Variants in EXOC6B observed in about 807,000 individuals in gnomAD.
EXOC6B encodes the protein exocyst complex component 6B, also known as SEC15 homolog B.
In EXOC6B, 54 loss-of-function variants were observed where a neutral mutation model predicts 113.5. The observed-to-expected ratio is 0.48, with a 90% CI of 0.38 to 0.60. EXOC6B has a LOEUF of 0.60. EXOC6B is among the 20% of genes least tolerant of loss of function. EXOC6B has a pLI of 0.00. For missense variants in EXOC6B, 797 were observed against 977.5 expected (o/e 0.82, Z 2.46); for synonymous variants, 357 against 339.0 (o/e 1.05, Z -0.58).
At chr2:72,647,560 T>C (rs1407218675) in intron 6 of EXOC6B, among the ~76,000 whole-genome samples, 1 of 152,178 alleles carries the variant, frequency 6.6e-6, no homozygotes, top group Non-Finnish European at 1.5e-5. Context: ...CAAAACAGCA[T>C]GGTACTAGTA....
intron 7 of EXOC6B, among the ~76,000 whole-genome samples, chr2:72,568,543 A>ACACG (rs770510144): frequency 2.0e-5 from 3 of 152,010 alleles, no homozygotes; most frequent in Non-Finnish European, 4.4e-5. Flanking sequence ...ACATACACAC[A>ACACG]CACGCACGCA....
Position 72,358,061 on chromosome 2 carries a change from G to A in EXOC6B, c.2122+21668C>T, listed in dbSNP as rs111909455. 2.1e-4 allele frequency among the ~76,000 whole-genome samples: 32 copies of A among 152,126 alleles called. 2 individuals carry two copies. The highest frequency in any genetic ancestry group is 4.8e-4 in the African/African-American group (20 of 41,520). On this transcript the variant is annotated intron_variant, in intron 19 of 21. Transcript: ENST00000272427. ...CACTGAGGCTCTTGGAATATATACCGCATAGATAAGGGGTGACTACTGTGT... is the reference window on the plus strand; with the variant it reads ...CACTGAGGCTCTTGGAATATATACCACATAGATAAGGGGTGACTACTGTGT...
At chr2:72,738,971 T>G (rs868353464) in intron 2 of EXOC6B, among the ~76,000 whole-genome samples, 1 of 152,232 alleles carries the variant, frequency 6.6e-6, no homozygotes, top group African/African-American at 2.4e-5. Flanking sequence ...TCTTCTTTAA[T>G]GCTTATTTAT....
intron 6 of EXOC6B, among the ~76,000 whole-genome samples, chr2:72,674,228 G>C (rs1347528824): frequency 6.6e-6 from 1 of 152,034 alleles, no homozygotes. Context: ...TCCCCAGTTT[G>C]GTCCTTTCAA....
chr2:72,644,690 G>A (rs1386518823), intron 6 of EXOC6B, among the ~76,000 whole-genome samples: 1 of 152,138 alleles, frequency 6.6e-6, no homozygotes, highest in Admixed American at 6.6e-5. Context: ...GCTAAACTAA[G>A]CTTCATAAGT....
chr2:72,660,262 T>C (rs1426428738), intron 6 of EXOC6B, among the ~76,000 whole-genome samples: 19 of 152,166 alleles, frequency 1.2e-4, no homozygotes, highest in Admixed American at 1.1e-3. Flanking sequence ...AAAATACTTA[T>C]TGTACATATT....
chr2:72,712,233 ATTTGAGGCCAAAAT>A (rs1679320524), intron 6 of EXOC6B, among the ~76,000 whole-genome samples: 1 of 152,196 alleles, frequency 6.6e-6, no homozygotes, highest in African/African-American at 2.4e-5. Context: ...AAGTAATTCT[ATTTGAGGCCAAAAT>A]AATAGAGTGT....
At chr2:72,410,780 A>G (rs1034813286) in intron 18 of EXOC6B, among the ~76,000 whole-genome samples, 15 of 152,332 alleles carry the variant, frequency 9.8e-5, no homozygotes, top group African/African-American at 3.4e-4. Context: ...TATAAGAACT[A>G]TATGTATAAC....
intron 1 of EXOC6B, among the ~76,000 whole-genome samples, chr2:72,805,021 T>C (rs1317880264): frequency 6.6e-6 from 1 of 152,218 alleles, no homozygotes; most frequent in Non-Finnish European, 1.5e-5. Context: ...AGTAACTTGT[T>C]GCAATAAAAT....
At chr2:72,209,800 G>A (rs62147573) in intron 20 of EXOC6B, among the ~76,000 whole-genome samples, 18,074 of 152,190 alleles carry the variant, frequency 0.12, 1,338 homozygotes, top group Admixed American at 0.16. Flanking sequence ...CATCCTGCGT[G>A]TGTCAAAATC....
chr2:72,465,495 T>G (rs1697990023), intron 17 of EXOC6B, among the ~76,000 whole-genome samples, 156 bp from the exon 18 acceptor site: 1 of 152,214 alleles, frequency 6.6e-6, no homozygotes, highest in African/African-American at 2.4e-5. Context: ...ATTTTTTCTT[T>G]TTCAAAACCA....
chr2:72,459,819 T>G (rs113684020), intron 18 of EXOC6B, among the ~76,000 whole-genome samples: 1 of 152,198 alleles, frequency 6.6e-6, no homozygotes, highest in Non-Finnish European at 1.5e-5. Context: ...CCCATCAAGC[T>G]ACCAATGACT....
intron 8 of EXOC6B, among the ~76,000 whole-genome samples, chr2:72,521,773 T>C (rs1324543398): frequency 6.6e-6 from 1 of 152,142 alleles, no homozygotes; most frequent in East Asian, 1.9e-4. Flanking sequence ...CTCAGCTCAC[T>C]GCAACCTCCG....
chr2:72,360,287 C>T (rs976435572), intron 19 of EXOC6B, among the ~76,000 whole-genome samples: 2 of 151,946 alleles, frequency 1.3e-5, no homozygotes, highest in African/African-American at 4.8e-5. Context: ...AGGGTCTCAT[C>T]ATGTTGGCCC....
At position 72,731,001 on chromosome 2, in the gene EXOC6B, T is replaced by A. The variant is rs776700246; in HGVS notation, c.464+6A>T. ...TAAAAACTGTTCGATTAAAAAAAAA[T>A]CTTACCTTTTAGTTTTCATCTGGTC... On this transcript the variant is annotated splice_donor_region_variant and intron_variant, in intron 5 of 21. Transcript: ENST00000272427. 1.3e-6 allele frequency: 2 copies of A among 1,524,104 alleles called. No individual in the cohort carries two copies. Among genetic ancestry groups the A allele is most frequent in the East Asian group, 4.9e-5 (2 of 40,940 alleles). 94.4% of individuals were successfully genotyped at this position (1,524,104 alleles called of 1,614,324 possible).
intron 20 of EXOC6B, among the ~76,000 whole-genome samples, chr2:72,307,284 C>T (rs1476685941): frequency 6.6e-6 from 1 of 151,946 alleles, no homozygotes; most frequent in Non-Finnish European, 1.5e-5. Flanking sequence ...GGACTACAGG[C>T]GTGCACTACC....
intron 20 of EXOC6B, among the ~76,000 whole-genome samples, chr2:72,248,985 TGGGTG>T (rs1682842565): frequency 6.6e-6 from 1 of 152,162 alleles, no homozygotes; most frequent in East Asian, 1.9e-4. Flanking sequence ...CAAACAAGGC[TGGGTG>T]TGGTAGCTCA....
intron 18 of EXOC6B, among the ~76,000 whole-genome samples, chr2:72,431,090 C>T (rs1245756709): frequency 6.6e-6 from 1 of 152,160 alleles, no homozygotes; most frequent in Non-Finnish European, 1.5e-5. Context: ...ACTAAAAGAT[C>T]AGAGAGCTCA....
chr2:72,412,816 G>A (rs1694262856), intron 18 of EXOC6B, among the ~76,000 whole-genome samples: 1 of 151,918 alleles, frequency 6.6e-6, no homozygotes, highest in Non-Finnish European at 1.5e-5. Context: ...ACCTTTTTTA[G>A]ACTATAAAAT....
Sources: gnomAD v4.1 joint callset for allele counts (sites outside exome capture counted in the v4.1 genomes callset) on GRCh38, gnomAD v4.1.1 for gene constraint, MANE v1.5 for transcripts, NCBI Gene and HGNC (gene_info 2026-07-23, HGNC 2026-07-21) for gene names.